GPC5: variants seen among roughly 807,000 people sequenced by gnomAD.
GPC5 encodes glypican-5.
GPC5 carries 47 observed loss-of-function variants against 53.9 expected under a neutral mutation model. That is an observed-to-expected ratio of 0.87 (90% CI 0.69 to 1.11). GPC5 has a LOEUF of 1.11. GPC5 is among the 50% of genes most tolerant of loss of function. GPC5 has a pLI of 0.00. For missense variants in GPC5, 748 were observed against 713.1 expected, an observed-to-expected ratio of 1.05 and a Z score of -0.56; for synonymous variants, 286 against 263.3, an observed-to-expected ratio of 1.09 and a Z score of -0.84.
chr13:92,247,330 T>C (rs1399662465), intron 7 of GPC5, among the ~76,000 whole-genome samples: 1 of 152,138 alleles, frequency 6.6e-6, no homozygotes, highest in Non-Finnish European at 1.5e-5. Context: ...ACAGGTATTG[T>C]TAAGAAATTA....
chr13:92,114,619 A>G (rs2041585570), intron 6 of GPC5, among the ~76,000 whole-genome samples: 1 of 152,244 alleles, frequency 6.6e-6, no homozygotes, highest in South Asian at 2.1e-4. Context: ...ATGTCATTAC[A>G]GAAGAATTAA....
At chr13:92,495,377 G>A (rs151185444) in intron 7 of GPC5, among the ~76,000 whole-genome samples, 1 of 151,982 alleles carries the variant, frequency 6.6e-6, no homozygotes, top group African/African-American at 2.4e-5. Context: ...TCCCATATTT[G>A]GTGACTTTAC....
At chr13:92,665,679 A>C (rs1438774284) in intron 7 of GPC5, among the ~76,000 whole-genome samples, 7 of 152,210 alleles carry the variant, frequency 4.6e-5, no homozygotes, top group African/African-American at 1.7e-4. Flanking sequence ...TTTCTCAAGC[A>C]CTGAAAATTA....
At chr13:92,330,004 C>CG (rs1555328438) in intron 7 of GPC5, among the ~76,000 whole-genome samples, 2 of 151,640 alleles carry the variant, frequency 1.3e-5, no homozygotes. Flanking sequence ...ACAAACAAAA[C>CG]TTTTTTTTTA....
intron 7 of GPC5, among the ~76,000 whole-genome samples, chr13:92,559,433 CCTTT>C (rs780497370): frequency 4.6e-4 from 70 of 150,656 alleles, no homozygotes; most frequent in Non-Finnish European, 8.7e-4. Flanking sequence ...TCTTAAAAAT[CCTTT>C]CTAAGGAGAG....
At chr13:91,983,687 C>CA (rs1269579405) in intron 6 of GPC5, among the ~76,000 whole-genome samples, 24 of 152,066 alleles carry the variant, frequency 1.6e-4, no homozygotes, top group Non-Finnish European at 3.1e-4. Flanking sequence ...TTGATAAGGC[C>CA]ATTTGTAGCT....
chr13:92,104,069 G>A (rs1408647719), intron 6 of GPC5, among the ~76,000 whole-genome samples: 2 of 152,172 alleles, frequency 1.3e-5, no homozygotes, highest in African/African-American at 4.8e-5. Context: ...TTTGCATTGA[G>A]AGAGCTATAA....
At chr13:92,274,926 C>T (rs1272904986) in intron 7 of GPC5, among the ~76,000 whole-genome samples, 1 of 151,990 alleles carries the variant, frequency 6.6e-6, no homozygotes, top group Non-Finnish European at 1.5e-5. Context: ...ACTGTAGTGC[C>T]TGGGACAGCT....
Position 92,453,376 on chromosome 13 carries a change from G to T in GPC5, c.1561+308387G>T, listed in dbSNP as rs569005969. On this transcript the variant is annotated intron_variant, in intron 7 of 7. Transcript: ENST00000377067. ...CAAATCAGCATGTAGGGTACTTCTCGGTTGTGGTATGAACATTAACATGGA... is the reference window on the plus strand; with the variant it reads ...CAAATCAGCATGTAGGGTACTTCTCTGTTGTGGTATGAACATTAACATGGA... Among the ~76,000 whole-genome samples, 2 of 152,026 alleles carry T rather than the reference G, an allele frequency of 1.3e-5. 1 individual carries two copies. The highest frequency in any genetic ancestry group is 4.2e-4 in the South Asian group (2 of 4,790).
chr13:91,699,554 A>T (rs1183835948), intron 3 of GPC5, among the ~76,000 whole-genome samples: 1 of 152,188 alleles, frequency 6.6e-6, no homozygotes, highest in Non-Finnish European at 1.5e-5. Context: ...CTTATGATTT[A>T]GTACATGGCT....
chr13:92,644,145 C>T (rs1453746313), intron 7 of GPC5, among the ~76,000 whole-genome samples: 1 of 152,100 alleles, frequency 6.6e-6, no homozygotes, highest in African/African-American at 2.4e-5. Flanking sequence ...AAGCTTGAAG[C>T]AATCTCATCT....
chr13:92,415,053 C>A (rs937796499), intron 7 of GPC5, among the ~76,000 whole-genome samples: 1 of 152,126 alleles, frequency 6.6e-6, no homozygotes, highest in Non-Finnish European at 1.5e-5. Context: ...GGAGGAGAAG[C>A]GTGCACCTGT....
chr13:91,477,430 G>C (rs1475206860), intron 2 of GPC5, among the ~76,000 whole-genome samples: 1 of 152,146 alleles, frequency 6.6e-6, no homozygotes, highest in Non-Finnish European at 1.5e-5. Flanking sequence ...AAAAAGATGG[G>C]AAGGTAGTTT....
intron 2 of GPC5, among the ~76,000 whole-genome samples, chr13:91,595,244 C>T (rs2139188886): frequency 6.6e-6 from 1 of 152,088 alleles, no homozygotes; most frequent in South Asian, 2.1e-4. Context: ...GCCTCGTTCT[C>T]TTGGTGTGAT....
chr13:91,667,407 A>G (rs1417671345), intron 2 of GPC5, among the ~76,000 whole-genome samples: 1 of 152,160 alleles, frequency 6.6e-6, no homozygotes, highest in Admixed American at 6.5e-5. Flanking sequence ...TTAAGCTAAA[A>G]CTATAGTAGT....
At chr13:92,071,917 T>C (rs1422100640) in intron 6 of GPC5, among the ~76,000 whole-genome samples, 1 of 146,790 alleles carries the variant, frequency 6.8e-6, no homozygotes, top group East Asian at 2.0e-4. Context: ...TATATGTATA[T>C]AATGTATTAT....
intron 2 of GPC5, among the ~76,000 whole-genome samples, chr13:91,667,989 G>A (rs1418632184): frequency 6.6e-6 from 1 of 152,090 alleles, no homozygotes; most frequent in Non-Finnish European, 1.5e-5. Flanking sequence ...TATTGCTTTG[G>A]TCAGTTTTTG....
At chr13:92,035,196 C>A (rs1399534818) in intron 6 of GPC5, among the ~76,000 whole-genome samples, 3 of 124,200 alleles carry the variant, frequency 2.4e-5, no homozygotes, top group Non-Finnish European at 4.7e-5. Context: ...GCCTGGGCGA[C>A]AGAGCGAGAC....
intron 7 of GPC5, among the ~76,000 whole-genome samples, chr13:92,781,978 T>C (rs1396774148): frequency 1.3e-5 from 2 of 151,722 alleles, no homozygotes; most frequent in African/African-American, 2.4e-5. Context: ...AATAATAATA[T>C]GGATTTAATA....
Sources: allele counts gnomAD v4.1 joint callset (sites outside exome capture counted in the v4.1 genomes callset), GRCh38; gene constraint gnomAD v4.1.1; transcripts MANE v1.5; gene names NCBI Gene and HGNC (gene_info 2026-07-23, HGNC 2026-07-21).